Variants in ACAD9 observed in about 807,000 individuals in gnomAD.
ACAD9 encodes complex I assembly factor ACAD9, mitochondrial.
Under a neutral mutation model 70.2 loss-of-function variants are expected in ACAD9, and 53 were observed. The observed-to-expected ratio is 0.75, with a 90% CI of 0.61 to 0.95. The LOEUF is 0.95. Ranked by LOEUF, ACAD9 falls within the 40% of genes least tolerant of loss-of-function variation. The pLI, the probability that ACAD9 is intolerant of heterozygous loss-of-function variation, is 0.00. For synonymous variants in ACAD9, 313 were observed against 312.1 expected (o/e 1.00, Z -0.03); for missense variants, 777 against 802.8 (o/e 0.97, Z 0.39).
intron 15 of ACAD9, 133 bp downstream of exon 15, chr3:128,909,554 G>A: frequency 3.0e-6 from 3 of 994,256 alleles, no homozygotes; most frequent in Admixed American, 4.0e-5. Context: ...GAGGGATGGG[G>A]TGGTGAGGTC....
intron 2 of ACAD9, among the ~76,000 whole-genome samples, chr3:128,890,982 T>A (rs530024708): frequency 2.6e-4 from 40 of 151,748 alleles, no homozygotes; most frequent in African/African-American, 9.2e-4. Flanking sequence ...GCTGGGACTA[T>A]AGGTGCGCAT....
intron 6 of ACAD9, chr3:128,898,642 T>C (rs1935641220): frequency 2.0e-5 from 6 of 293,422 alleles, no homozygotes; most frequent in Admixed American, 5.1e-5. Context: ...TCAAGTGGTC[T>C]GCCCACCTCG....
rs747846480 is a variant in ACAD9 at position 128,912,457 on chromosome 3, C to A, written c.1766-50C>A. On this transcript the variant is annotated intron_variant, in intron 17 of 17. Transcript: ENST00000308982. ...ATGCCCCCACTTCAGCCATGTTTGTCTTATCACGGTGCAGAAAGATCACCC... is the reference window on the plus strand; with the variant it reads ...ATGCCCCCACTTCAGCCATGTTTGTATTATCACGGTGCAGAAAGATCACCC... The A allele has an allele frequency of 2.6e-6, 4 of 1,548,684 alleles. No homozygotes were observed. The African/African-American group carries it at 4.1e-5, about 16-fold the overall frequency.
chr3:128,910,798 T>C lies in ACAD9; in HGVS notation c.1750T>C (p.Ser584Pro), dbSNP rs2107666715. 6.2e-7 allele frequency: 1 copy of C among 1,614,158 alleles called. No homozygotes were observed. The highest frequency in any genetic ancestry group is 8.5e-7 in the Non-Finnish European group (1 of 1,180,028). The change falls in exon 17 of 18, where the codon TCT becomes CCT. Residue 584 changes from serine (S) to proline (P), a missense_variant. Coordinates refer to ENST00000308982, the MANE Select transcript of ACAD9 (RefSeq NM_014049.5). Reference protein sequence around the residue: ...EAYLQNLFSLSQLDKYAPENL... With the variant: ...EAYLQNLFSLPQLDKYAPENL... ...TTACTTGCAGAATCTCTTCAGCCTCTCTCAGCTGGACAAGTGTGAGTGGCA... is the reference window on the plus strand; with the variant it reads ...TTACTTGCAGAATCTCTTCAGCCTCCCTCAGCTGGACAAGTGTGAGTGGCA...
intron 17 of ACAD9, among the ~76,000 whole-genome samples, chr3:128,911,278 C>G (rs62265268): frequency 0.048 from 7,248 of 152,096 alleles, 354 homozygotes; most frequent in African/African-American, 0.12. Context: ...GGCTGGTCTC[C>G]AACTCCTGAC....
chr3:128,882,285 T>C (rs1935118392), intron 1 of ACAD9, among the ~76,000 whole-genome samples: 2 of 152,226 alleles, frequency 1.3e-5, no homozygotes, highest in South Asian at 4.1e-4. Context: ...TCCCACCCAA[T>C]CCTGCTCCTT....
At chr3:128,901,448 G>A (rs1213489968) in intron 8 of ACAD9, 99 bp downstream of exon 8, 1 of 1,318,800 alleles carries the variant, frequency 7.6e-7, no homozygotes, top group Non-Finnish European at 1.1e-6. Flanking sequence ...AGAGTAGCCT[G>A]TGCATGGCAG....
chr3:128,899,439 A>T lies in ACAD9; in HGVS notation c.786A>T (p.Lys262Asn), dbSNP rs772453204. ...TCACTAATGGGAAACCCGAAGATAA[A>T]TTAGGCATTCGGGGCTCCAACAGTA... Reference protein sequence around the residue: ...GGVTNGKPEDKLGIRGSNTCE... With the variant: ...GGVTNGKPEDNLGIRGSNTCE... Residue 262 changes from lysine to asparagine, a missense_variant, in exon 7 of 18, where the codon AAA (lysine) becomes AAT (asparagine). Lys to Asn is a moderately conservative substitution (Grantham distance 94). Coordinates refer to ENST00000308982, the MANE Select transcript of ACAD9 (RefSeq NM_014049.5). 52 of 1,614,062 alleles carry T rather than the reference A, an allele frequency of 3.2e-5. No individual in the cohort carries two copies. The highest frequency in any genetic ancestry group is 4.2e-5 in the Non-Finnish European group (50 of 1,180,036).
At chr3:128,908,706 A>AGCT (rs2107662169) in intron 13 of ACAD9, 1 of 570,506 alleles carries the variant, frequency 1.8e-6, no homozygotes, top group Non-Finnish European at 3.1e-6. Context: ...GGTTGCTAGT[A>AGCT]GCATTTTGTC....
rs753310622 is a variant in ACAD9, at chr3:128,908,236, G to A, written c.1330G>A (p.Ala444Thr). ...MYIALTGLQH[A>T]GRILTTRIHE... ...CATCGCCCTGACGGGTCTGCAGCAT[G>A]CCGGCCGCATCCTGACTACCAGGAT... Residue 444 changes from alanine (A) to threonine (T), a missense_variant, in exon 13 of 18, where the codon GCC becomes ACC. Coordinates refer to ENST00000308982, the MANE Select transcript of ACAD9 (RefSeq NM_014049.5). 2 of 1,614,170 alleles carry A rather than the reference G, an allele frequency of 1.2e-6. No homozygotes were observed. The highest frequency in any genetic ancestry group is 1.7e-6 in the Non-Finnish European group (2 of 1,180,024).
At chr3:128,880,075 A>C in intron 1 of ACAD9, 1 of 1,482,320 alleles carries the variant, frequency 6.7e-7, no homozygotes, top group Non-Finnish European at 9.0e-7. Flanking sequence ...TGTTCCAGCT[A>C]AATTTTGTCA....
chr3:128,906,324 T>C lies in ACAD9; in HGVS notation c.1278+75T>C. On this transcript the variant is annotated intron_variant, in intron 12 of 17. Transcript: ENST00000308982. The stretch of plus-strand genomic sequence containing the variant: ...GGTCCTAAAGATGCTGCTCAGGGCC[T>C]CGCAGAGGCCCCCGCAGCCCAGGGC... 4 of 1,579,174 alleles carry C rather than the reference T, an allele frequency of 2.5e-6. No homozygotes were observed. The South Asian group carries it at 3.3e-5, about 13-fold the overall frequency.
chr3:128,896,433 T>G lies in ACAD9; in HGVS notation c.454-3T>G, dbSNP rs756496404. The G allele has an allele frequency of 1.2e-6, 2 of 1,614,108 alleles. No homozygotes were observed. The highest frequency in any genetic ancestry group is 2.2e-5 in the South Asian group (2 of 91,076). On this transcript the variant is annotated splice_polypyrimidine_tract_variant and splice_region_variant and intron_variant, in intron 4 of 17. Transcript: ENST00000308982. ...GACATTAGTCTGTGTCTGTTTTGTT[T>G]AGGGGATCATCTTGGCTGGCACTGA...
chr3:128,900,504 C>T (rs919751435), intron 7 of ACAD9, among the ~76,000 whole-genome samples: 2 of 150,648 alleles, frequency 1.3e-5, no homozygotes, highest in Non-Finnish European at 2.9e-5. Context: ...TCCCAAAGTG[C>T]GTGAGCCACC....
chr3:128,910,690 G>C (rs758578580), intron 16 of ACAD9, 51 bp from the exon 17 acceptor site: 3 of 1,604,462 alleles, frequency 1.9e-6, no homozygotes, highest in Non-Finnish European at 1.7e-6. Flanking sequence ...GAAGCTCAGA[G>C]GTCTGATTCC....
rs542802542 is a variant in ACAD9 at position 128,909,380 on chromosome 3, T to C, written c.1522T>C (p.Phe508Leu). The stretch of plus-strand genomic sequence containing the variant: ...CAAGTTTGAGGAGAACACCTACTGC[T>C]TCGGCCGGACCGTGGAGACACTGCT... ...ANKFEENTYC[F>L]GRTVETLLLR... Residue 508 changes from phenylalanine to leucine, a missense_variant, in exon 15 of 18, where the codon TTC (phenylalanine) becomes CTC (leucine). Transcript: ENST00000308982. The C allele has an allele frequency of 6.2e-7, 1 of 1,614,190 alleles. No homozygotes were observed. Among genetic ancestry groups the C allele is most frequent in the Admixed American group, 1.7e-5 (1 of 60,034 alleles).
At chr3:128,880,579 G>A (rs868162844) in intron 1 of ACAD9, among the ~76,000 whole-genome samples, 2 of 151,562 alleles carry the variant, frequency 1.3e-5, no homozygotes, top group African/African-American at 4.8e-5. Flanking sequence ...TAGCAGAGAC[G>A]GGGTTTCACC....
chr3:128,896,229 C>T (rs955813544), intron 4 of ACAD9, among the ~76,000 whole-genome samples: 3 of 152,248 alleles, frequency 2.0e-5, no homozygotes, highest in African/African-American at 7.2e-5. Context: ...CTGTGGGTTG[C>T]ACAGGCTCAC....
At position 128,912,877 on chromosome 3, in the gene ACAD9, G is replaced by A. The variant is rs760273213; in HGVS notation, c.*270G>A. 1.6e-6 allele frequency: 1 copy of A among 611,678 alleles called. No individual in the cohort carries two copies. The highest frequency in any genetic ancestry group is 1.8e-5 in the African/African-American group (1 of 55,264). 37.9% of individuals were successfully genotyped at this position (611,678 alleles called of 1,614,324 possible). ...ACCCCTGGAACTGGCGGGTATTCTG[G>A]TCATTGAGGAGACACCATAGTGGAA... is the stretch of plus-strand genomic sequence containing the variant. On this transcript the variant is annotated 3_prime_UTR_variant, in exon 18 of 18. Transcript: ENST00000308982.
Sources: gnomAD v4.1 joint callset for allele counts (sites outside exome capture counted in the v4.1 genomes callset) on GRCh38, gnomAD v4.1.1 for gene constraint, MANE v1.5 for transcripts, NCBI Gene and HGNC (gene_info 2026-07-23, HGNC 2026-07-21) for gene names.